XKR6: variants seen among roughly 807,000 people sequenced by gnomAD.
The protein encoded by XKR6 is XK-related protein 6.
In XKR6, 22 loss-of-function variants were observed where a neutral mutation model predicts 56.7. The ratio of observed to expected loss-of-function variants is 0.39; its 90% CI spans 0.28 to 0.55. The LOEUF (loss-of-function observed/expected upper bound fraction) is 0.55, where lower values mean the gene tolerates loss of function less well. XKR6 is among the 20% of genes least tolerant of loss of function. The pLI is 0.66. For synonymous variants in XKR6, 524 were observed against 387.8 expected (o/e 1.35, Z -4.13); for missense variants, 852 against 889.0 (o/e 0.96, Z 0.53).
At chr8:10,944,906 G>A (rs1389976372) in intron 1 of XKR6, among the ~76,000 whole-genome samples, 1 of 152,216 alleles carries the variant, frequency 6.6e-6, no homozygotes, top group Non-Finnish European at 1.5e-5. Context: ...TGAGAACGCA[G>A]GGATGAAATG....
chr8:10,968,084 G>A (rs1262567352), intron 1 of XKR6, among the ~76,000 whole-genome samples: 1 of 152,168 alleles, frequency 6.6e-6, no homozygotes, highest in Non-Finnish European at 1.5e-5. Context: ...GGGGCCTGTT[G>A]CTGCTCCCCC....
chr8:10,985,510 A>T (rs1797841961), intron 1 of XKR6, among the ~76,000 whole-genome samples: 1 of 151,318 alleles, frequency 6.6e-6, no homozygotes, highest in African/African-American at 2.4e-5. Context: ...TAACCGTGAC[A>T]CTCTACTGCC....
At chr8:10,924,934 C>T (rs1014825002) in intron 1 of XKR6, 104 bp from the exon 2 acceptor site, 7 of 1,226,936 alleles carry the variant, frequency 5.7e-6, no homozygotes, top group Admixed American at 2.3e-5. Context: ...ATCCCCCCAA[C>T]TCCCTATGCT....
intron 1 of XKR6, among the ~76,000 whole-genome samples, chr8:10,947,046 G>A (rs1289163119): frequency 1.3e-5 from 2 of 152,142 alleles, no homozygotes; most frequent in Non-Finnish European, 1.5e-5. Context: ...GCAGGAGGCA[G>A]GCATGGTGAG....
chr8:11,107,826 T>C (rs778937440), intron 1 of XKR6: 22 of 156,098 alleles, frequency 1.4e-4, no homozygotes, highest in Non-Finnish European at 3.1e-4. Flanking sequence ...ACATAAAAGA[T>C]CTGTTTTACA....
chr8:10,972,759 A>G (rs2129134369), intron 1 of XKR6, among the ~76,000 whole-genome samples: 1 of 152,360 alleles, frequency 6.6e-6, no homozygotes, highest in South Asian at 2.1e-4. Context: ...CAATTTTGCA[A>G]GATAATAAGA....
chr8:11,019,955 C>T (rs77064088), intron 1 of XKR6, among the ~76,000 whole-genome samples: 7,214 of 152,170 alleles, frequency 0.047, 256 homozygotes, highest in Non-Finnish European at 0.076. Flanking sequence ...GTGGAGGAAC[C>T]GCCACTGATA....
intron 1 of XKR6, among the ~76,000 whole-genome samples, chr8:11,046,838 T>C (rs965008356): frequency 3.2e-4 from 49 of 152,210 alleles, no homozygotes; most frequent in African/African-American, 1.0e-3. Flanking sequence ...AATCCTGTGA[T>C]TTGCAACAAC....
At chr8:10,923,090 C>T (rs372067593) in intron 2 of XKR6, among the ~76,000 whole-genome samples, 1 of 152,372 alleles carries the variant, frequency 6.6e-6, no homozygotes, top group African/African-American at 2.4e-5. Flanking sequence ...GCAGCACCTG[C>T]TGAAGATCCC....
At chr8:11,175,983 A>G (rs11986936) in intron 1 of XKR6, among the ~76,000 whole-genome samples, 4,474 of 152,306 alleles carry the variant, frequency 0.029, 233 homozygotes, top group African/African-American at 0.099. Flanking sequence ...TGACAAATTA[A>G]TATTAATTTC....
chr8:11,122,907 C>T (rs1177036524), intron 1 of XKR6, among the ~76,000 whole-genome samples: 1 of 152,154 alleles, frequency 6.6e-6, no homozygotes, highest in Non-Finnish European at 1.5e-5. Context: ...TAAACAAGCT[C>T]ACTAACACAA....
chr8:10,962,366 G>A (rs1351902573), intron 1 of XKR6, among the ~76,000 whole-genome samples: 7 of 152,164 alleles, frequency 4.6e-5, no homozygotes, highest in Admixed American at 3.3e-4. Flanking sequence ...TTGCCATGCT[G>A]GGCTGGGAGT....
chr8:11,074,570 C>A (rs1800219172), intron 1 of XKR6, among the ~76,000 whole-genome samples: 1 of 152,220 alleles, frequency 6.6e-6, no homozygotes, highest in African/African-American at 2.4e-5. Context: ...AAGCATTTGT[C>A]TAGTAGGGGA....
At chr8:11,044,682 G>C (rs1397228223) in intron 1 of XKR6, among the ~76,000 whole-genome samples, 1 of 150,316 alleles carries the variant, frequency 6.7e-6, no homozygotes. Flanking sequence ...GCAATAGCAT[G>C]ATCTCAGCTC....
intron 1 of XKR6, among the ~76,000 whole-genome samples, chr8:11,139,046 A>C (rs1165697399): frequency 2.6e-5 from 4 of 152,172 alleles, no homozygotes; most frequent in African/African-American, 9.7e-5. Flanking sequence ...TAATAAAAGC[A>C]ATTAGTTCTC....
intron 1 of XKR6, among the ~76,000 whole-genome samples, chr8:10,989,614 A>G (rs1000576616): frequency 1.1e-4 from 17 of 152,232 alleles, no homozygotes; most frequent in Non-Finnish European, 1.5e-5. Flanking sequence ...TAAGTTCCTT[A>G]GCCTCTTTTA....
intron 1 of XKR6, among the ~76,000 whole-genome samples, chr8:11,115,016 C>G (rs1026196646): frequency 2.0e-5 from 3 of 152,142 alleles, no homozygotes; most frequent in Admixed American, 6.5e-5. Context: ...ATCAGTGAGT[C>G]TGGAGTCGTC....
rs1464622381 is a variant in XKR6, at chr8:11,137,140, A to G, written c.764+63436T>C. 3 of 158,372 alleles carry G rather than the reference A, an allele frequency of 1.9e-5. No individual in the cohort carries two copies. In the East Asian group the frequency reaches 5.7e-4, roughly 30 times the overall value. 9.8% of individuals were successfully genotyped at this position (158,372 alleles called of 1,614,324 possible). A position where few individuals can be genotyped will look rare whatever the true frequency, so the allele number is the denominator to read the frequency against. On this transcript the variant is annotated intron_variant, in intron 1 of 2. Transcript: ENST00000416569. Reference sequence around the variant, plus strand: ...TCTCTGATGTTTCTGAAACCAGAGCATATGTGGTTAACCTTGCTCTAGCTC... The same window carrying G: ...TCTCTGATGTTTCTGAAACCAGAGCGTATGTGGTTAACCTTGCTCTAGCTC...
rs529372552 is a variant in XKR6, at chr8:10,999,076, C to A, written c.765-74246G>T. ...AAGAAAACAGAAATTCTTACAAAAA[C>A]GTTTGTTTTCTTCTCCCTCCTAGGT... is the stretch of plus-strand genomic sequence containing the variant. On this transcript the variant is annotated intron_variant, in intron 1 of 2. Coordinates refer to ENST00000416569, the MANE Select transcript of XKR6 (RefSeq NM_173683.4). Among the ~76,000 whole-genome samples the A allele has an allele frequency of 3.3e-5, 5 of 152,290 alleles. 1 individual carries two copies. The highest frequency in any genetic ancestry group is 1.2e-4 in the African/African-American group (5 of 41,566).
Sources: gnomAD v4.1 joint callset for allele counts (sites outside exome capture counted in the v4.1 genomes callset) on GRCh38, gnomAD v4.1.1 for gene constraint, MANE v1.5 for transcripts, NCBI Gene and HGNC (gene_info 2026-07-23, HGNC 2026-07-21) for gene names.